The following XRCC6 variants were observed in gnomAD, a reference collection of about 807,000 sequenced individuals.
XRCC6 encodes X-ray repair cross complementing 6.
A neutral mutation model predicts 65.7 loss-of-function variants in XRCC6; 5 were observed. The ratio of observed to expected loss-of-function variants is 0.08; its 90% confidence interval spans 0.04 to 0.16. The LOEUF is 0.16. Ranked by LOEUF, XRCC6 falls within the 10% of genes least tolerant of loss-of-function variation. The probability of loss-of-function intolerance (pLI) is 1.00; values close to 1 mark genes in which losing one functional copy is unlikely to be tolerated. For missense variants in XRCC6, 447 were observed against 738.1 expected, an observed-to-expected ratio of 0.61 and a Z score of 4.57; for synonymous variants, 270 against 270.6, an observed-to-expected ratio of 1.00 and a Z score of 0.02.
chr22:41,627,353 A>G (rs1348845489), intron 2 of XRCC6, among the ~76,000 whole-genome samples: 1 of 151,982 alleles, frequency 6.6e-6, no homozygotes, highest in Non-Finnish European at 1.5e-5. Flanking sequence ...GCTCACGTCT[A>G]TAATCCTAGC....
In XRCC6 at chr22:41,621,994, C is replaced by CAGT; in HGVS notation, c.-8_-6dup. On this transcript the variant is annotated 5_prime_UTR_variant, in exon 2 of 13. Coordinates refer to ENST00000360079, the MANE Select transcript of XRCC6 (RefSeq NM_001469.5). ...ACGTTAACGTCTTTCGCCTAGTGAG[C>CAGT]AGTAGCCAACATGTCAGGGTGGGAG... The CAGT allele has an allele frequency of 1.9e-6, 3 of 1,614,152 alleles. No homozygotes were observed. The South Asian group carries it at 3.3e-5, about 18-fold the overall frequency.
intron 3 of XRCC6, among the ~76,000 whole-genome samples, chr22:41,631,668 C>T (rs2067753657): frequency 6.9e-6 from 1 of 144,106 alleles, no homozygotes; most frequent in Non-Finnish European, 1.5e-5. Context: ...AGAGGGGCTC[C>T]TCACATCCCA....
At chr22:41,659,693 C>G (rs2068082256) in intron 11 of XRCC6, among the ~76,000 whole-genome samples, 1 of 151,882 alleles carries the variant, frequency 6.6e-6, no homozygotes, top group Admixed American at 6.6e-5. Flanking sequence ...TACATTCATT[C>G]ATTCATTTGA....
At chr22:41,631,609 T>G (rs2067752405) in intron 3 of XRCC6, among the ~76,000 whole-genome samples, 1 of 108,342 alleles carries the variant, frequency 9.2e-6, no homozygotes, top group Non-Finnish European at 1.9e-5. Flanking sequence ...CTAGATGGGA[T>G]GGCGGCTGGG....
intron 6 of XRCC6, among the ~76,000 whole-genome samples, chr22:41,642,384 G>A (rs1159271425): frequency 6.6e-6 from 1 of 151,844 alleles, no homozygotes; most frequent in African/African-American, 2.4e-5. Flanking sequence ...CTTGTCAGAT[G>A]GATAGTTTCC....
At chr22:41,650,506 C>G (rs1295870730) in intron 7 of XRCC6, among the ~76,000 whole-genome samples, 1 of 152,152 alleles carries the variant, frequency 6.6e-6, no homozygotes, top group Non-Finnish European at 1.5e-5. Context: ...ACATCTACCT[C>G]TTGGGATTGT....
At chr22:41,643,820 C>CA (rs1209911371) in intron 6 of XRCC6, among the ~76,000 whole-genome samples, 2,535 of 79,886 alleles carry the variant, frequency 0.032, 221 homozygotes, top group African/African-American at 0.13. Context: ...GACTCCATCT[C>CA]AAAAAAAAAA....
chr22:41,639,879 C>T (rs892423247), intron 6 of XRCC6, among the ~76,000 whole-genome samples: 11 of 149,872 alleles, frequency 7.3e-5, no homozygotes, highest in South Asian at 2.1e-4. Flanking sequence ...AGGATGGTCT[C>T]GATCTCCTGA....
At chr22:41,650,951 G>C (rs544895885) in intron 8 of XRCC6, 60 bp downstream of exon 8, 2 of 1,594,658 alleles carry the variant, frequency 1.3e-6, no homozygotes, top group Non-Finnish European at 1.7e-6. Context: ...ACGGAGCAGC[G>C]CTTTGTAAAT....
intron 7 of XRCC6, chr22:41,647,989 CCCTTT>C (rs1480377697): frequency 1.4e-5 from 2 of 146,916 alleles, no homozygotes; most frequent in African/African-American, 2.5e-5. Flanking sequence ...CCTTCTCCTT[CCCTTT>C]CCTTTTCTTT....
At position 41,637,603 on chromosome 22, in the gene XRCC6, A is replaced by C. The variant is rs2067822993; in HGVS notation, c.590-5A>C. 2 of 1,575,994 alleles carry C rather than the reference A, an allele frequency of 1.3e-6. No individual in the cohort carries two copies. Among genetic ancestry groups the C allele is most frequent in the South Asian group, 1.2e-5 (1 of 85,864 alleles). Reference sequence around the variant, plus strand: ...CTCCCTCACTTTTGTTTACCCTTGCAACAGGCATCTTCCTTGACTTGATGC... The same window carrying C: ...CTCCCTCACTTTTGTTTACCCTTGCCACAGGCATCTTCCTTGACTTGATGC... On this transcript the variant is annotated splice_region_variant and splice_polypyrimidine_tract_variant and intron_variant, in intron 5 of 12. Coordinates refer to ENST00000360079, the MANE Select transcript of XRCC6 (RefSeq NM_001469.5).
rs936444401 is a variant in XRCC6 at position 41,633,731 on chromosome 22, A to G, written c.196-2382A>G. ...ATGACAGCTACATACCTTCCCCTCAAAAAAGATAGTACTCACAATTCTACC... is the reference window on the plus strand; with the variant it reads ...ATGACAGCTACATACCTTCCCCTCAGAAAAGATAGTACTCACAATTCTACC... On this transcript the variant is annotated intron_variant, in intron 3 of 12. Transcript: ENST00000360079. Among the ~76,000 whole-genome samples, 13 of 152,096 alleles carry G rather than the reference A, an allele frequency of 8.5e-5. 1 individual carries two copies. The highest frequency in any genetic ancestry group is 6.6e-4 in the Admixed American group (10 of 15,242).
chr22:41,629,559 A>T (rs1369906445), intron 3 of XRCC6, among the ~76,000 whole-genome samples: 1 of 152,250 alleles, frequency 6.6e-6, no homozygotes, highest in Non-Finnish European at 1.5e-5. Context: ...ACAGGGAGCA[A>T]CTGCTCAATG....
At chr22:41,641,856 G>A (rs757817426) in intron 6 of XRCC6, among the ~76,000 whole-genome samples, 2 of 151,986 alleles carry the variant, frequency 1.3e-5, no homozygotes, top group African/African-American at 4.8e-5. Flanking sequence ...GCAATGGCGC[G>A]ATCTCGGCTC....
At chr22:41,630,228 C>T (rs1296020658) in intron 3 of XRCC6, among the ~76,000 whole-genome samples, 2 of 149,878 alleles carry the variant, frequency 1.3e-5, no homozygotes, top group Admixed American at 1.3e-4. Context: ...GTGATCTGCT[C>T]GCCTCGGCCT....
chr22:41,662,173 A>G (rs1370958605), intron 12 of XRCC6, among the ~76,000 whole-genome samples: 2 of 152,208 alleles, frequency 1.3e-5, no homozygotes, highest in Non-Finnish European at 2.9e-5. Context: ...GAGTGACTAT[A>G]GTCTAATTTA....
chr22:41,650,427 C>A (rs1209278276), intron 7 of XRCC6, among the ~76,000 whole-genome samples: 1 of 151,956 alleles, frequency 6.6e-6, no homozygotes, highest in Non-Finnish European at 1.5e-5. Flanking sequence ...CAAAGAGGAT[C>A]TCACTGTGTT....
chr22:41,651,229 CAG>C (rs2067991484), intron 8 of XRCC6, among the ~76,000 whole-genome samples: 1 of 151,898 alleles, frequency 6.6e-6, no homozygotes, highest in Non-Finnish European at 1.5e-5. Flanking sequence ...ACCTGGGAGA[CAG>C]AGGTTGCAGT....
intron 3 of XRCC6, among the ~76,000 whole-genome samples, chr22:41,631,416 C>T (rs548022673): frequency 8.7e-5 from 13 of 148,714 alleles, no homozygotes; most frequent in African/African-American, 3.0e-4. Flanking sequence ...TCCGACGGGG[C>T]GGTTGCCGGG....
Sources: gnomAD v4.1 joint callset for allele counts (sites outside exome capture counted in the v4.1 genomes callset) on GRCh38, gnomAD v4.1.1 for gene constraint, MANE v1.5 for transcripts, NCBI Gene and HGNC (gene_info 2026-07-23, HGNC 2026-07-21) for gene names.